Variants in EML1 observed in about 807,000 individuals in gnomAD.
EML1 encodes the protein echinoderm microtubule-associated protein-like 1.
In EML1, 27 loss-of-function variants were observed where a neutral mutation model predicts 110.4. The ratio of observed to expected loss-of-function variants is 0.24; its 90% CI spans 0.18 to 0.34. EML1 has a LOEUF of 0.34. Among genes scored for constraint, EML1 ranks in the 10% least tolerant of loss-of-function variants. The pLI is 1.00. For missense variants in EML1, 741 were observed against 1,030.9 expected, an observed-to-expected ratio of 0.72 and a Z score of 3.85; for synonymous variants, 344 against 385.8, an observed-to-expected ratio of 0.89 and a Z score of 1.27.
chr14:99,938,007 T>A, intron 20 of EML1, 95 bp downstream of exon 20: 2 of 1,308,982 alleles, frequency 1.5e-6, no homozygotes, highest in Non-Finnish European at 2.2e-6. Flanking sequence ...TCACCAGTCT[T>A]GTCAGATTGC....
intron 3 of EML1, among the ~76,000 whole-genome samples, chr14:99,870,964 A>T (rs188733141): frequency 2.0e-5 from 3 of 146,660 alleles, no homozygotes; most frequent in South Asian, 2.2e-4. Flanking sequence ...AGGAAATAAC[A>T]TTTTTTTTTT....
chr14:99,930,859 A>T (rs1027663875), intron 17 of EML1, among the ~76,000 whole-genome samples: 6 of 152,212 alleles, frequency 3.9e-5, no homozygotes, highest in African/African-American at 1.4e-4. Flanking sequence ...TAAAAATCTG[A>T]ATGTGAAGAT....
Position 99,936,863 on chromosome 14 carries a change from T to A in EML1, c.2095+529T>A, listed in dbSNP as rs1411708847. ...ATCGTGGCGGGCACTTACAAGCACA[T>A]CCTCATGCCACGCACTGGTTCCTTA... On this transcript the variant is annotated intron_variant, in intron 19 of 21. Coordinates refer to ENST00000262233, the MANE Select transcript of EML1 (RefSeq NM_004434.3). This position sits in a 1 kb window ranked among gnomAD's most constrained non-coding sequence, Gnocchi z 5.5. 6.6e-6 allele frequency among the ~76,000 whole-genome samples: 1 copy of A among 152,070 alleles called. No homozygotes were observed. The highest frequency in any genetic ancestry group is 1.5e-5 in the Non-Finnish European group (1 of 68,004).
At chr14:99,909,572 C>A in intron 11 of EML1, 93 bp downstream of exon 11, 1 of 1,493,872 alleles carries the variant, frequency 6.7e-7, no homozygotes, top group Non-Finnish European at 9.2e-7. Context: ...TCAACACAAT[C>A]CCTTGGGATC....
rs1297379194 is a variant in EML1, at chr14:99,793,521, C to G, written c.45C>G (p.Ser15=). The change falls in exon 1 of 22, where the codon TCC becomes TCG. Residue 15 remains serine, a synonymous_variant. Transcript: ENST00000262233. Reference sequence around the variant, plus strand: ...GCTACAGCAGCCTGTACGACACGTCCTCGCTGCTCCAGTTCTGCAACGGTG... The same window carrying G: ...GCTACAGCAGCCTGTACGACACGTCGTCGCTGCTCCAGTTCTGCAACGGTG... ...FSSYSSLYDT[S]SLLQFCNDDS... 9.6e-7 allele frequency: 1 copy of G among 1,044,132 alleles called. No homozygotes were observed. The highest frequency in any genetic ancestry group is 1.2e-6 in the Non-Finnish European group (1 of 863,290). The allele number at this position is 1,044,132 out of a possible 1,614,324, so 64.7% of individuals were successfully genotyped here.
rs373184585 is a variant in EML1, at chr14:99,848,729, G to T, written c.68-2124G>T. On this transcript the variant is annotated intron_variant, in intron 1 of 21. Coordinates refer to ENST00000262233, the MANE Select transcript of EML1 (RefSeq NM_004434.3). ...ACCTGTAATCCCAGCACTTTGGGAGGGTGAAGCAGGATCACTTGAGGCCAT... is the reference window on the plus strand; with the variant it reads ...ACCTGTAATCCCAGCACTTTGGGAGTGTGAAGCAGGATCACTTGAGGCCAT... 1.6e-4 allele frequency among the ~76,000 whole-genome samples: 25 copies of T among 152,224 alleles called. 1 individual carries two copies. Among genetic ancestry groups the T allele is most frequent in the African/African-American group, 5.3e-4 (22 of 41,546 alleles).
intron 19 of EML1, among the ~76,000 whole-genome samples, chr14:99,937,235 C>A (rs1421186337): frequency 6.6e-6 from 1 of 152,206 alleles, no homozygotes; most frequent in Non-Finnish European, 1.5e-5. Flanking sequence ...GGCGGCCGCA[C>A]CGTCTCACCT....
Position 99,813,934 on chromosome 14 carries a change from C to T in EML1, c.67+20391C>T, listed in dbSNP as rs895753450. Among the ~76,000 whole-genome samples the T allele has an allele frequency of 3.9e-5, 6 of 152,238 alleles. No homozygotes were observed. In the East Asian group the frequency reaches 5.8e-4, roughly 15 times the overall value. On this transcript the variant is annotated intron_variant, in intron 1 of 21. Transcript: ENST00000262233. Reference sequence around the variant, plus strand: ...GTTGCTGGTGCCTGGGTCAGCTGCCCGGAGCACACTGTGCCTGCGTGGAGA... The same window carrying T: ...GTTGCTGGTGCCTGGGTCAGCTGCCTGGAGCACACTGTGCCTGCGTGGAGA...
intron 1 of EML1, among the ~76,000 whole-genome samples, chr14:99,834,641 T>G (rs896454441): frequency 6.6e-6 from 1 of 152,096 alleles, no homozygotes; most frequent in African/African-American, 2.4e-5. Flanking sequence ...AGTTTTCTTT[T>G]GTAATGTGTT....
upstream of EML1, among the ~76,000 whole-genome samples, chr14:99,771,817 TAACA>T (rs559977982): frequency 2.4e-3 from 365 of 152,268 alleles, no homozygotes; most frequent in Admixed American, 4.6e-3. Context: ...GTCTCAAAAC[TAACA>T]AATAAAAACC....
At chr14:99,926,527 T>C (rs2060237408) in intron 17 of EML1, among the ~76,000 whole-genome samples, 1 of 152,024 alleles carries the variant, frequency 6.6e-6, no homozygotes, top group Non-Finnish European at 1.5e-5. Context: ...TCAAGTGATC[T>C]GCCCGCCTCG....
At chr14:99,814,116 A>G (rs1460979820) in intron 1 of EML1, among the ~76,000 whole-genome samples, 1 of 152,150 alleles carries the variant, frequency 6.6e-6, no homozygotes, top group Non-Finnish European at 1.5e-5. Flanking sequence ...TCTTTCCCCA[A>G]CACTAAAACA....
rs562494679 is a variant in EML1, at chr14:99,875,198, A to C, written c.384-3287A>C. 4.6e-5 allele frequency among the ~76,000 whole-genome samples: 7 copies of C among 152,336 alleles called. No individual in the cohort carries two copies. In the South Asian group the frequency reaches 1.4e-3, roughly 32 times the overall value. On this transcript the variant is annotated intron_variant, in intron 3 of 21. Coordinates refer to ENST00000262233, the MANE Select transcript of EML1 (RefSeq NM_004434.3). Reference sequence around the variant, plus strand: ...TATACTTTGGCGGTTCATAAATTGCAGATGGTGTTAATTAGGGGCCTAATA... The same window carrying C: ...TATACTTTGGCGGTTCATAAATTGCCGATGGTGTTAATTAGGGGCCTAATA...
At chr14:99,888,664 G>T (rs941705860) in intron 4 of EML1, among the ~76,000 whole-genome samples, 1 of 152,202 alleles carries the variant, frequency 6.6e-6, no homozygotes, top group Non-Finnish European at 1.5e-5. Flanking sequence ...GAACAATTCA[G>T]GTATCTACAG....
chr14:99,749,678 T>A (rs549488059), intron 1 of EML1, among the ~76,000 whole-genome samples: 61 of 152,162 alleles, frequency 4.0e-4, no homozygotes, highest in Non-Finnish European at 7.8e-4. Context: ...CCCAAACCCA[T>A]GTAGACAGGG....
At chr14:99,759,691 GTGTCCAGCCAAGCTCAGT>G (rs2057293427) in intron 1 of EML1, among the ~76,000 whole-genome samples, 1 of 152,260 alleles carries the variant, frequency 6.6e-6, no homozygotes, top group Admixed American at 6.5e-5. Context: ...GGTTTGCGCT[GTGTCCAGCCAAGCTCAGT>G]TCCTGTCTCC....
intron 17 of EML1, among the ~76,000 whole-genome samples, chr14:99,923,646 C>CCGGAT (rs2060176206): frequency 3.9e-5 from 2 of 51,826 alleles, no homozygotes; most frequent in African/African-American, 1.0e-3. Context: ...CTGCCCCCTT[C>CCGGAT]ACCTGTGTTT....
chr14:99,772,937 C>T (rs922839025), upstream of EML1: 6 of 152,176 alleles, frequency 3.9e-5, no homozygotes, highest in Admixed American at 1.3e-4. Context: ...ACAAGAATTT[C>T]TCCCTTCCCT....
chr14:99,827,711 C>T lies in EML1; in HGVS notation c.68-23142C>T, dbSNP rs1227725211. 1.3e-5 allele frequency among the ~76,000 whole-genome samples: 2 copies of T among 152,178 alleles called. No individual in the cohort carries two copies. Among genetic ancestry groups the T allele is most frequent in the East Asian group, 3.8e-4 (2 of 5,196 alleles). Reference sequence around the variant, plus strand: ...AGAAGACGGCCAGCGAGAGAGGCCTCAGAAGAAACGAACCCTGCTGACCTT... The same window carrying T: ...AGAAGACGGCCAGCGAGAGAGGCCTTAGAAGAAACGAACCCTGCTGACCTT... On this transcript the variant is annotated intron_variant, in intron 1 of 21. Transcript: ENST00000262233. The surrounding 1 kb of genome is among the most constrained non-coding windows in gnomAD (Gnocchi z 4.4).
Sources: allele counts gnomAD v4.1 joint callset (sites outside exome capture counted in the v4.1 genomes callset), GRCh38; gene constraint gnomAD v4.1.1; non-coding constraint Gnocchi (gnomAD v3.1); transcripts MANE v1.5; gene names NCBI Gene and HGNC (gene_info 2026-07-23, HGNC 2026-07-21).